The following EPHB6 variants were observed in gnomAD, a reference collection of about 807,000 sequenced individuals.
EPHB6 encodes the protein ephrin type-B receptor 6.
Under a neutral mutation model 107.0 loss-of-function variants are expected in EPHB6, and 51 were observed. The observed-to-expected ratio is 0.48, with a 90% CI of 0.38 to 0.60. The LOEUF (loss-of-function observed/expected upper bound fraction) is 0.60, where lower values mean the gene tolerates loss of function less well. Among genes scored for constraint, EPHB6 ranks in the 20% least tolerant of loss-of-function variants. The probability of loss-of-function intolerance (pLI) is 0.00; values close to 1 mark genes in which losing one functional copy is unlikely to be tolerated. For synonymous variants in EPHB6, 553 were observed against 549.0 expected, an observed-to-expected ratio of 1.01 and a Z score of -0.10; for missense variants, 1,141 against 1,355.5, an observed-to-expected ratio of 0.84 and a Z score of 2.48.
chr7:142,867,502 C>A lies in EPHB6; in HGVS notation c.1751-106C>A. The stretch of plus-strand genomic sequence containing the variant: ...ATGGATGTGGGAGGTTTGGGGCATG[C>A]GCGTGCATGTTGTGTGTGCCTGTGG... On this transcript the variant is annotated intron_variant, in intron 11 of 19. Transcript: ENST00000652003. The surrounding 1 kb of genome is among the most constrained non-coding windows in gnomAD (Gnocchi z 5.3). 1 of 920,452 alleles carries A rather than the reference C, an allele frequency of 1.1e-6. No individual in the cohort carries two copies. The highest frequency in any genetic ancestry group is 1.7e-6 in the Non-Finnish European group (1 of 581,162). The allele number at this position is 920,452 out of a possible 1,614,324, so 57.0% of individuals were successfully genotyped here. A position where few individuals can be genotyped will look rare whatever the true frequency, so the allele number is the denominator to read the frequency against.
intron 1 of EPHB6, among the ~76,000 whole-genome samples, chr7:142,859,650 T>C (rs139053154): frequency 3.4e-4 from 52 of 152,338 alleles, no homozygotes; most frequent in African/African-American, 1.1e-3. Flanking sequence ...AAAAATGTAT[T>C]TATAACCTTC....
chr7:142,863,691 G>T lies in EPHB6; in HGVS notation c.161G>T (p.Gly54Val). 1.2e-6 allele frequency: 2 copies of T among 1,613,870 alleles called. No homozygotes were observed. The highest frequency in any genetic ancestry group is 1.7e-6 in the Non-Finnish European group (2 of 1,179,966). Residue 54 changes from glycine to valine, a missense_variant, in exon 6 of 20, where the codon GGG becomes GTG. Around this residue, in one of 3 missense-constraint regions of EPHB6, gnomAD observed 221 missense variants for 300.5 expected, o/e 0.74. Transcript: ENST00000652003. ...ATTGGCTGGCTCACCTACCCACCAG[G>T]GGGGGTGAGTGCCACTCTAATTCTG... is the stretch of plus-strand genomic sequence containing the variant. ...SEIGWLTYPP[G>V]GWDEVSVLDD...
At position 142,867,161 on chromosome 7, in the gene EPHB6, C is replaced by T. The variant is rs1263321082; in HGVS notation, c.1750+93C>T. ...ACTGTCCGGCCTTGAACCCTGGCCC[C>T]GTGCTTCCCAACCAGAAGTTCTGTG... On this transcript the variant is annotated intron_variant, in intron 11 of 19. Coordinates refer to ENST00000652003, the MANE Select transcript of EPHB6 (RefSeq NM_004445.6). The surrounding 1 kb of genome is among the most constrained non-coding windows in gnomAD (Gnocchi z 5.3). 1.1e-5 allele frequency: 16 copies of T among 1,475,052 alleles called. No homozygotes were observed. The highest frequency in any genetic ancestry group is 8.4e-5 in the African/African-American group (6 of 71,376). 91.4% of individuals were successfully genotyped at this position (1,475,052 alleles called of 1,614,324 possible). A position where few individuals can be genotyped will look rare whatever the true frequency, so the allele number is the denominator to read the frequency against.
rs1351472081 is a variant in EPHB6 at position 142,855,784 on chromosome 7, G to A, written c.-432+399G>A. ...GCATCACTCCAATCCCCTTGGAGCT[G>A]GGAGGAGTCAGGAGGCTGACCACAC... On this transcript the variant is annotated intron_variant, in intron 1 of 19. Coordinates refer to ENST00000652003, the MANE Select transcript of EPHB6 (RefSeq NM_004445.6). The surrounding 1 kb of genome is among the most constrained non-coding windows in gnomAD (Gnocchi z 4.2). Among the ~76,000 whole-genome samples, 1 of 152,148 alleles carries A rather than the reference G, an allele frequency of 6.6e-6. No homozygotes were observed. Among genetic ancestry groups the A allele is most frequent in the Non-Finnish European group, 1.5e-5 (1 of 68,024 alleles).
At position 142,870,238 on chromosome 7, in the gene EPHB6, T is replaced by G. The variant is rs200815479; in HGVS notation, c.2635T>G (p.Phe879Val). Reference protein sequence around the residue: ...QEVLNAIEQEFRLPPPPGCPP... With the variant: ...QEVLNAIEQEVRLPPPPGCPP... ...GGTACTAAATGCAATAGAGCAGGAG[T>G]TCCGGCTGCCCCCGCCTCCAGGCTG... Residue 879 changes from phenylalanine (F) to valine (V), a missense_variant, in exon 18 of 20, where the codon TTC (phenylalanine) becomes GTC (valine). Transcript: ENST00000652003. 10 of 1,613,976 alleles carry G rather than the reference T, an allele frequency of 6.2e-6. No individual in the cohort carries two copies. Among genetic ancestry groups the G allele is most frequent in the Non-Finnish European group, 7.6e-6 (9 of 1,180,046 alleles).
intron 2 of EPHB6, 21 bp from the exon 3 acceptor site, chr7:142,861,996 A>G (rs1003903724): frequency 2.0e-5 from 3 of 152,258 alleles, no homozygotes; most frequent in Non-Finnish European, 4.4e-5. Context: ...CTTATACACA[A>G]TAGAAATATC....
Position 142,868,793 on chromosome 7 carries a change from G to A in EPHB6, c.2286+54G>A. 1 of 1,613,248 alleles carries A rather than the reference G, an allele frequency of 6.2e-7. No homozygotes were observed. Among genetic ancestry groups the A allele is most frequent in the Non-Finnish European group, 8.5e-7 (1 of 1,179,964 alleles). ...GTCCTTGGGTCCAGGAAAGCTTCCA[G>A]GAGACGAGGTCCTGTATCTTTGCTT... On this transcript the variant is annotated intron_variant, in intron 15 of 19. Coordinates refer to ENST00000652003, the MANE Select transcript of EPHB6 (RefSeq NM_004445.6). This position sits in a 1 kb window ranked among gnomAD's most constrained non-coding sequence, Gnocchi z 4.2.
At chr7:142,856,822 C>T (rs1174625428) in intron 1 of EPHB6, among the ~76,000 whole-genome samples, 1 of 152,194 alleles carries the variant, frequency 6.6e-6, no homozygotes, top group African/African-American at 2.4e-5. Context: ...GGAACCAGCA[C>T]TGATGTGCAT....
Position 142,868,712 on chromosome 7 carries a change from G to A in EPHB6, c.2259G>A (p.Glu753=), listed in dbSNP as rs922278190. ...RPLMVLTEFM[E]LGPLDSFLRQ... is the part of the protein sequence containing the mutation. ...TCATGGTGCTGACGGAGTTCATGGA[G>A]CTTGGCCCCCTGGACAGCTTCCTCA... Residue 753 remains glutamate (E), a synonymous_variant, in exon 15 of 20, where the codon GAG becomes GAA. Coordinates refer to ENST00000652003, the MANE Select transcript of EPHB6 (RefSeq NM_004445.6). The surrounding 1 kb of genome is among the most constrained non-coding windows in gnomAD (Gnocchi z 4.2). The A allele has an allele frequency of 5.0e-6, 8 of 1,613,850 alleles. 1 individual carries two copies. The African/African-American group carries it at 1.1e-4, about 22-fold the overall frequency.
At position 142,869,598 on chromosome 7, in the gene EPHB6, C is replaced by A. The variant is rs1414308671; in HGVS notation, c.2461-219C>A. 6.6e-6 allele frequency among the ~76,000 whole-genome samples: 1 copy of A among 152,048 alleles called. No homozygotes were observed. Among genetic ancestry groups the A allele is most frequent in the African/African-American group, 2.4e-5 (1 of 41,370 alleles). On this transcript the variant is annotated intron_variant, in intron 16 of 19. Transcript: ENST00000652003. The surrounding 1 kb of genome is among the most constrained non-coding windows in gnomAD (Gnocchi z 4.5). ...TTAAATGAGATGCTTGATGTAAAAC[C>A]CTTAACATATCTGAGCACATAGTAG... is the stretch of plus-strand genomic sequence containing the variant.
chr7:142,863,765 T>C, intron 6 of EPHB6, 70 bp downstream of exon 6: 1 of 1,561,664 alleles, frequency 6.4e-7, no homozygotes, highest in Non-Finnish European at 8.8e-7. Context: ...GAGAGTGGAA[T>C]TCATGAAGGA....
intron 1 of EPHB6, among the ~76,000 whole-genome samples, chr7:142,858,423 CTTTTTTTTTTT>C (rs958011230): frequency 6.9e-5 from 4 of 57,614 alleles, no homozygotes; most frequent in Non-Finnish European, 8.6e-5. Flanking sequence ...TTAAGTCATT[CTTTTTTTTTTT>C]TTTTTTTTTT....
In EPHB6 at chr7:142,864,694, G is replaced by A. The variant is rs2116428393; in HGVS notation, c.894G>A (p.Gly298=). 6.2e-7 allele frequency: 1 copy of A among 1,612,844 alleles called. No individual in the cohort carries two copies. The highest frequency in any genetic ancestry group is 1.1e-5 in the South Asian group (1 of 91,080). The change falls in exon 7 of 20, where the codon GGG becomes GGA. Residue 298 remains glycine (G), a synonymous_variant. Coordinates refer to ENST00000652003, the MANE Select transcript of EPHB6 (RefSeq NM_004445.6). Reference sequence around the variant, plus strand: ...AGGGCAAGTGGATGGTAGCTGTCGGGGGCTGCCGCTGCCAGCCTGGATACC... The same window carrying A: ...AGGGCAAGTGGATGGTAGCTGTCGGAGGCTGCCGCTGCCAGCCTGGATACC... ...NGEGKWMVAV[G]GCRCQPGYQP...
In EPHB6 at chr7:142,863,148, C is replaced by A; in HGVS notation, c.-80C>A. ...TCAGGAAGCAAGCTTAGCTGTACACCCTGAGTCTTGCAAAAGCTGCAGCCC... is the reference window on the plus strand; with the variant it reads ...TCAGGAAGCAAGCTTAGCTGTACACACTGAGTCTTGCAAAAGCTGCAGCCC... On this transcript the variant is annotated 5_prime_UTR_variant, in exon 5 of 20. Transcript: ENST00000652003. The A allele has an allele frequency of 3.2e-6, 4 of 1,239,314 alleles. No homozygotes were observed. Among genetic ancestry groups the A allele is most frequent in the Non-Finnish European group, 3.5e-6 (3 of 852,200 alleles). 76.8% of individuals were successfully genotyped at this position (1,239,314 alleles called of 1,614,324 possible).
In EPHB6 at chr7:142,866,846, TA is replaced by T; in HGVS notation, c.1588-59del. ...AACCAGGGAGGGTGGCTGGGGGCCT[TA>T]GGGGCAGAAGCAGGGGCAAGAGGGG... is the stretch of plus-strand genomic sequence containing the variant. On this transcript the variant is annotated intron_variant, in intron 10 of 19. Coordinates refer to ENST00000652003, the MANE Select transcript of EPHB6 (RefSeq NM_004445.6). The surrounding 1 kb of genome is among the most constrained non-coding windows in gnomAD (Gnocchi z 5.2). The T allele has an allele frequency of 6.2e-7, 1 of 1,612,654 alleles. No homozygotes were observed. Among genetic ancestry groups the T allele is most frequent in the Non-Finnish European group, 8.5e-7 (1 of 1,179,386 alleles).
rs1305612561 is a variant in EPHB6, at chr7:142,866,125, C to G, written c.1271C>G (p.Thr424Ser). ...GAACCTGCCAGCGGTGGTGGGGGCA[C>G]TTGTCACCGCTGCAGGGATGAGGTC... ...RQEPASGGGG[T>S]CHRCRDEVHF... Residue 424 changes from threonine to serine, a missense_variant, in exon 9 of 20, where the codon ACT (threonine) becomes AGT (serine). Coordinates refer to ENST00000652003, the MANE Select transcript of EPHB6 (RefSeq NM_004445.6). This position sits in a 1 kb window ranked among gnomAD's most constrained non-coding sequence, Gnocchi z 5.2. 2 of 1,613,694 alleles carry G rather than the reference C, an allele frequency of 1.2e-6. No homozygotes were observed.
rs8177140 is a variant in EPHB6, at chr7:142,864,097, G to A, written c.297G>A (p.Gly99=). ...WLQTHFVERR[G]AQRAHIRLHF... is the part of the protein sequence containing the mutation. ...AGACACACTTTGTGGAGCGGCGCGG[G>A]GCCCAGAGGGCGCACATTCGACTCC... Residue 99 remains glycine, a synonymous_variant, in exon 7 of 20, where the codon GGG becomes GGA. Transcript: ENST00000652003. 7 of 1,614,004 alleles carry A rather than the reference G, an allele frequency of 4.3e-6. No individual in the cohort carries two copies. Among genetic ancestry groups the A allele is most frequent in the African/African-American group, 2.7e-5 (2 of 75,052 alleles).
Position 142,869,651 on chromosome 7 carries a change from T to C in EPHB6, c.2461-166T>C. On this transcript the variant is annotated intron_variant, in intron 16 of 19. Transcript: ENST00000652003. This position sits in a 1 kb window ranked among gnomAD's most constrained non-coding sequence, Gnocchi z 4.5. The stretch of plus-strand genomic sequence containing the variant: ...GCTCCATAAACGTGACTATTGCTTC[T>C]GCTTCTGTGAAATGGAGATGATATC... The C allele has an allele frequency of 1.3e-6, 1 of 799,000 alleles. No individual in the cohort carries two copies. Among genetic ancestry groups the C allele is most frequent in the Non-Finnish European group, 2.1e-6 (1 of 484,422 alleles). 49.5% of individuals were successfully genotyped at this position (799,000 alleles called of 1,614,324 possible).
At position 142,868,211 on chromosome 7, in the gene EPHB6, A is replaced by G. The variant is rs1272150354; in HGVS notation, c.1919-30A>G. 1.9e-6 allele frequency: 3 copies of G among 1,614,002 alleles called. No homozygotes were observed. In the South Asian group the frequency reaches 3.3e-5, roughly 18 times the overall value. On this transcript the variant is annotated intron_variant, in intron 13 of 19. Transcript: ENST00000652003. This position sits in a 1 kb window ranked among gnomAD's most constrained non-coding sequence, Gnocchi z 4.2. Reference sequence around the variant, plus strand: ...CGCGGGCAGCCCTGCCTTTCACAACACGCTCATAACATACTCCACACCCCT... The same window carrying G: ...CGCGGGCAGCCCTGCCTTTCACAACGCGCTCATAACATACTCCACACCCCT...
Sources: gnomAD v4.1 joint callset for allele counts (sites outside exome capture counted in the v4.1 genomes callset) on GRCh38, gnomAD v4.1.1 for gene constraint, gnomAD v4.1.1 regional missense constraint, Gnocchi (gnomAD v3.1) non-coding constraint, MANE v1.5 for transcripts, NCBI Gene and HGNC (gene_info 2026-07-23, HGNC 2026-07-21) for gene names.